CCDC3: variants seen among roughly 807,000 people sequenced by gnomAD.
CCDC3 encodes the protein coiled-coil domain-containing protein 3.
In CCDC3, 24 loss-of-function variants were observed where a neutral mutation model predicts 21.4. The ratio of observed to expected loss-of-function variants is 1.12; its 90% CI spans 0.81 to 1.58. CCDC3 has a LOEUF of 1.58. Among genes scored for constraint, CCDC3 ranks in the 40% most tolerant of loss-of-function variants. CCDC3 has a pLI of 0.00. For missense variants in CCDC3, 425 were observed against 360.9 expected (o/e 1.18, Z -1.44); for synonymous variants, 186 against 166.0 (o/e 1.12, Z -0.93).
chr10:12,929,240 T>G, intron 2 of CCDC3, among the ~76,000 whole-genome samples: 1 of 125,058 alleles, frequency 8.0e-6, no homozygotes, highest in Non-Finnish European at 1.6e-5. Context: ...CCAGCCTGGG[T>G]GACAAAGTGA....
At chr10:13,081,781 C>T (rs926606630) in intron 3 of CCDC3, among the ~76,000 whole-genome samples, 2 of 152,180 alleles carry the variant, frequency 1.3e-5, no homozygotes, top group African/African-American at 4.8e-5. Flanking sequence ...AAATGCCTGG[C>T]TAAAATGGAT....
At chr10:13,094,966 C>G (rs1288334648) in intron 3 of CCDC3, among the ~76,000 whole-genome samples, 1 of 152,118 alleles carries the variant, frequency 6.6e-6, no homozygotes, top group Non-Finnish European at 1.5e-5. Flanking sequence ...GTCCCTGGGA[C>G]TCTGGGTACT....
intron 2 of CCDC3, among the ~76,000 whole-genome samples, chr10:12,911,298 T>TC (rs1834267662): frequency 6.6e-6 from 1 of 152,210 alleles, no homozygotes; most frequent in African/African-American, 2.4e-5. Context: ...GGGGACTCTA[T>TC]CTCTGGTTTT....
chr10:13,090,925 C>A (rs1476365480), intron 3 of CCDC3, among the ~76,000 whole-genome samples: 2 of 152,212 alleles, frequency 1.3e-5, no homozygotes, highest in Non-Finnish European at 2.9e-5. Context: ...AGTAGGGAAG[C>A]TGACAGTGCA....
At chr10:12,918,597 G>A (rs1024531318) in intron 2 of CCDC3, among the ~76,000 whole-genome samples, 1 of 152,186 alleles carries the variant, frequency 6.6e-6, no homozygotes, top group African/African-American at 2.4e-5. Flanking sequence ...ATGCACAGAT[G>A]TTGATAACAG....
intron 2 of CCDC3, among the ~76,000 whole-genome samples, chr10:12,939,599 G>A (rs1201658479): frequency 6.6e-6 from 1 of 151,858 alleles, no homozygotes; most frequent in Non-Finnish European, 1.5e-5. Flanking sequence ...ATAAATGTTG[G>A]TAGTATTCAA....
At chr10:12,956,570 G>A (rs1835089758) in intron 2 of CCDC3, among the ~76,000 whole-genome samples, 1 of 152,182 alleles carries the variant, frequency 6.6e-6, no homozygotes, top group South Asian at 2.1e-4. Context: ...GATAATTAGG[G>A]AAACTGCATT....
At chr10:12,994,057 A>C (rs1401438915) in intron 2 of CCDC3, among the ~76,000 whole-genome samples, 1 of 152,192 alleles carries the variant, frequency 6.6e-6, no homozygotes, top group Non-Finnish European at 1.5e-5. Context: ...TCTACAGTCC[A>C]GATCCACTGT....
chr10:12,905,212 T>C (rs1450792129), intron 2 of CCDC3, among the ~76,000 whole-genome samples: 2 of 146,366 alleles, frequency 1.4e-5, no homozygotes, highest in Admixed American at 6.6e-5. Flanking sequence ...CAGGAAACGA[T>C]GGCCTATGGG....
intron 2 of CCDC3, among the ~76,000 whole-genome samples, chr10:12,962,714 C>A (rs1334319485): frequency 6.6e-6 from 1 of 152,132 alleles, no homozygotes; most frequent in Non-Finnish European, 1.5e-5. Flanking sequence ...AAGCTAAGTC[C>A]TAAGTGGTAT....
At chr10:12,969,441 T>C (rs2131263345) in intron 2 of CCDC3, among the ~76,000 whole-genome samples, 1 of 152,000 alleles carries the variant, frequency 6.6e-6, no homozygotes, top group South Asian at 2.1e-4. Context: ...TCAATTATGG[T>C]AAATATATAA....
At chr10:12,928,574 T>C (rs1255467747) in intron 2 of CCDC3, among the ~76,000 whole-genome samples, 2 of 152,216 alleles carry the variant, frequency 1.3e-5, no homozygotes, top group Non-Finnish European at 2.9e-5. Context: ...GGTCTGATCA[T>C]CTCAGTAACC....
At chr10:13,069,933 C>A (rs1440419312) in intron 4 of CCDC3, among the ~76,000 whole-genome samples, 1 of 152,018 alleles carries the variant, frequency 6.6e-6, no homozygotes, top group Non-Finnish European at 1.5e-5. Flanking sequence ...GGTTTATAAC[C>A]AGCTATAGAA....
At chr10:12,978,181 G>A (rs1346222892) in intron 2 of CCDC3, among the ~76,000 whole-genome samples, 1 of 152,122 alleles carries the variant, frequency 6.6e-6, no homozygotes, top group African/African-American at 2.4e-5. Flanking sequence ...ACCACACCTG[G>A]CTAAGTTTTT....
At chr10:13,020,652 A>G (rs1836132851) in intron 5 of CCDC3, among the ~76,000 whole-genome samples, 1 of 152,196 alleles carries the variant, frequency 6.6e-6, no homozygotes. Flanking sequence ...TACAGAAGGA[A>G]AAGTCAACCA....
chr10:12,960,872 C>T (rs1835169890), intron 2 of CCDC3, among the ~76,000 whole-genome samples: 1 of 152,084 alleles, frequency 6.6e-6, no homozygotes, highest in Non-Finnish European at 1.5e-5. Flanking sequence ...GGGAAGTGTC[C>T]CGTAGAATAG....
At chr10:12,962,306 T>C (rs1051650314) in intron 2 of CCDC3, among the ~76,000 whole-genome samples, 1 of 152,184 alleles carries the variant, frequency 6.6e-6, no homozygotes, top group African/African-American at 2.4e-5. Flanking sequence ...TGAAGTGCCA[T>C]AATAAAATGG....
At chr10:12,937,227 G>A (rs1289610928) in intron 2 of CCDC3, among the ~76,000 whole-genome samples, 2 of 151,852 alleles carry the variant, frequency 1.3e-5, no homozygotes, top group East Asian at 3.9e-4. Context: ...GGTAAGTTGT[G>A]ACCCTGTATT....
chr10:13,021,894 G>A (rs1455736888), intron 5 of CCDC3, among the ~76,000 whole-genome samples: 1 of 151,980 alleles, frequency 6.6e-6, no homozygotes, highest in East Asian at 1.9e-4. Flanking sequence ...CAAGTAGCTG[G>A]GATTACAGGT....
Sources: allele counts gnomAD v4.1 joint callset (sites outside exome capture counted in the v4.1 genomes callset), GRCh38; gene constraint gnomAD v4.1.1; transcripts MANE v1.5; gene names NCBI Gene and HGNC (gene_info 2026-07-23, HGNC 2026-07-21).